Variants in NRG1 observed in about 807,000 individuals in gnomAD.
NRG1 encodes the protein pro-neuregulin-1, membrane-bound isoform.
A neutral mutation model predicts 63.8 loss-of-function variants in NRG1; 18 were observed. That is an observed-to-expected ratio of 0.28 (90% CI 0.19 to 0.42). The LOEUF (loss-of-function observed/expected upper bound fraction) is 0.42, where lower values mean the gene tolerates loss of function less well. Among genes scored for constraint, NRG1 ranks in the 10% least tolerant of loss-of-function variants. The pLI, the probability that NRG1 is intolerant of heterozygous loss-of-function variation, is 1.00. For missense variants in NRG1, 762 were observed against 814.7 expected, an observed-to-expected ratio of 0.94 and a Z score of 0.79; for synonymous variants, 302 against 301.3, an observed-to-expected ratio of 1.00 and a Z score of -0.02.
chr8:31,826,936 T>C (rs1824625948), intron 1 of NRG1, among the ~76,000 whole-genome samples: 2 of 152,234 alleles, frequency 1.3e-5, no homozygotes, highest in African/African-American at 4.8e-5. Context: ...CTAATTGATA[T>C]ACCTCCTTCA....
At chr8:32,581,866 T>G (rs2129531910) in intron 1 of NRG1, among the ~76,000 whole-genome samples, 1 of 152,284 alleles carries the variant, frequency 6.6e-6, no homozygotes, top group East Asian at 1.9e-4. Flanking sequence ...GGTACAATAC[T>G]ATTAGCTAAA....
intron 5 of NRG1, among the ~76,000 whole-genome samples, chr8:32,708,743 G>A (rs1005948879): frequency 5.3e-5 from 8 of 152,194 alleles, no homozygotes; most frequent in Admixed American, 1.3e-4. Context: ...CCTTTCTCTC[G>A]GTTTCTCTCT....
At chr8:32,296,812 C>T (rs1854938325) in intron 1 of NRG1, among the ~76,000 whole-genome samples, 1 of 152,060 alleles carries the variant, frequency 6.6e-6, no homozygotes, top group African/African-American at 2.4e-5. Flanking sequence ...TACTTTTATT[C>T]ATATTTTTAA....
chr8:31,679,417 C>T (rs1808089787), intron 1 of NRG1, among the ~76,000 whole-genome samples: 1 of 152,056 alleles, frequency 6.6e-6, no homozygotes, highest in Admixed American at 6.6e-5. Context: ...TTTGTCACTG[C>T]TTTGTCTCTG....
At chr8:32,679,004 A>G (rs912501619) in intron 5 of NRG1, among the ~76,000 whole-genome samples, 45 of 152,214 alleles carry the variant, frequency 3.0e-4, no homozygotes, top group African/African-American at 1.1e-3. Flanking sequence ...TTAAAAAAAA[A>G]GTAGCCTGAC....
intron 1 of NRG1, among the ~76,000 whole-genome samples, chr8:31,735,197 A>T (rs546951680): frequency 1.3e-5 from 2 of 152,230 alleles, no homozygotes; most frequent in South Asian, 4.1e-4. Flanking sequence ...GACCACCCCC[A>T]TCCTCCACAC....
At chr8:32,149,503 A>G (rs1418683740) in intron 1 of NRG1, among the ~76,000 whole-genome samples, 1 of 126,938 alleles carries the variant, frequency 7.9e-6, no homozygotes, top group Non-Finnish European at 1.9e-5. Flanking sequence ...TGTCCACTGC[A>G]CTGAACAAAT....
intron 5 of NRG1, among the ~76,000 whole-genome samples, chr8:32,691,290 T>C (rs373556635): frequency 4.0e-5 from 6 of 151,474 alleles, no homozygotes; most frequent in South Asian, 2.1e-4. Flanking sequence ...GAATGGGAGG[T>C]TGCAGTGAGC....
chr8:32,397,320 G>A (rs931143455), intron 1 of NRG1, among the ~76,000 whole-genome samples: 7 of 151,962 alleles, frequency 4.6e-5, no homozygotes, highest in South Asian at 2.1e-4. Flanking sequence ...TTTGTAAAAT[G>A]AAAATAATAA....
intron 1 of NRG1, among the ~76,000 whole-genome samples, chr8:32,341,662 G>C (rs773595556): frequency 6.6e-6 from 1 of 152,128 alleles, no homozygotes; most frequent in Non-Finnish European, 1.5e-5. Flanking sequence ...TTTGTTTTCC[G>C]TGTCCGTTCT....
intron 1 of NRG1, among the ~76,000 whole-genome samples, chr8:31,930,676 G>A (rs1013361754): frequency 6.6e-6 from 1 of 151,734 alleles, no homozygotes; most frequent in Non-Finnish European, 1.5e-5. Flanking sequence ...GTATTTTTTT[G>A]AAGACAACTT....
chr8:32,353,055 A>T (rs1805849666), intron 1 of NRG1, among the ~76,000 whole-genome samples: 1 of 150,706 alleles, frequency 6.6e-6, no homozygotes, highest in African/African-American at 2.4e-5. Context: ...ATGAATTTTT[A>T]AAATTTACAA....
At chr8:31,757,699 G>A (rs1186026268) in intron 1 of NRG1, among the ~76,000 whole-genome samples, 1 of 151,994 alleles carries the variant, frequency 6.6e-6, no homozygotes, top group Non-Finnish European at 1.5e-5. Flanking sequence ...GAAGACCAGA[G>A]GGAAGAAAAT....
At chr8:32,562,286 C>T (rs184270365) in intron 1 of NRG1, among the ~76,000 whole-genome samples, 5 of 152,122 alleles carry the variant, frequency 3.3e-5, no homozygotes, top group African/African-American at 4.8e-5. Flanking sequence ...CTCGTTTGGT[C>T]GCCCAGGCTG....
chr8:32,229,644 GA>G (rs1304637760), intron 1 of NRG1, among the ~76,000 whole-genome samples: 1 of 152,026 alleles, frequency 6.6e-6, no homozygotes, highest in Non-Finnish European at 1.5e-5. Context: ...CAACAAAAGA[GA>G]AAAAACAGAG....
chr8:32,629,886 T>C (rs1343038885), intron 5 of NRG1, among the ~76,000 whole-genome samples: 1 of 152,130 alleles, frequency 6.6e-6, no homozygotes, highest in Non-Finnish European at 1.5e-5. Context: ...GTCAATAACA[T>C]GGATTTTTCA....
At chr8:32,271,962 A>T (rs1167007909) in intron 1 of NRG1, among the ~76,000 whole-genome samples, 1 of 152,220 alleles carries the variant, frequency 6.6e-6, no homozygotes, top group East Asian at 1.9e-4. Flanking sequence ...GGCTGATAGA[A>T]TAGGCTGTGT....
chr8:32,463,176 CAATT>C (rs1161697029), intron 1 of NRG1, among the ~76,000 whole-genome samples: 1 of 152,160 alleles, frequency 6.6e-6, no homozygotes, highest in Non-Finnish European at 1.5e-5. Flanking sequence ...ATCTATACCA[CAATT>C]TATTTACCGC....
chr8:31,759,882 T>C (rs1817352755), intron 1 of NRG1, among the ~76,000 whole-genome samples: 1 of 152,146 alleles, frequency 6.6e-6, no homozygotes, highest in Non-Finnish European at 1.5e-5. Flanking sequence ...CACTAATTTA[T>C]CTCACCAATG....
Sources: gnomAD v4.1 joint callset for allele counts (sites outside exome capture counted in the v4.1 genomes callset) on GRCh38, gnomAD v4.1.1 for gene constraint, MANE v1.5 for transcripts, NCBI Gene and HGNC (gene_info 2026-07-23, HGNC 2026-07-21) for gene names.